TBC1D8: variants seen among roughly 807,000 people sequenced by gnomAD.
TBC1D8 encodes TBC1 domain family member 8.
TBC1D8 carries 65 observed loss-of-function variants against 118.8 expected under a neutral mutation model. The ratio of observed to expected loss-of-function variants is 0.55; its 90% CI spans 0.45 to 0.67. TBC1D8 has a LOEUF of 0.67. Ranked by LOEUF, TBC1D8 falls within the 30% of genes least tolerant of loss-of-function variation. The pLI is 0.00. For synonymous variants in TBC1D8, 566 were observed against 595.8 expected, an observed-to-expected ratio of 0.95 and a Z score of 0.73; for missense variants, 1,376 against 1,471.2, an observed-to-expected ratio of 0.94 and a Z score of 1.06.
rs1043322479 is a variant in TBC1D8, at chr2:101,032,094, C to T, written c.1936+174G>A. ...TCTTTATTCCACTACATTGTCAGAA[C>T]TGTGCAGAGAATGTCCCGAGTTAGT... On this transcript the variant is annotated intron_variant, in intron 11 of 19. Transcript: ENST00000409318. Among the ~76,000 whole-genome samples, 7 of 152,208 alleles carry T rather than the reference C, an allele frequency of 4.6e-5. 1 individual carries two copies. The East Asian group carries it at 1.3e-3, about 29-fold the overall frequency.
At chr2:101,094,226 T>C (rs1382889594) in intron 1 of TBC1D8, among the ~76,000 whole-genome samples, 12 of 152,136 alleles carry the variant, frequency 7.9e-5, no homozygotes, top group Admixed American at 7.9e-4. Context: ...GCTCCTAAGT[T>C]CCAGATGACA....
At chr2:101,137,554 C>T (rs1246923231) in intron 1 of TBC1D8, among the ~76,000 whole-genome samples, 1 of 152,162 alleles carries the variant, frequency 6.6e-6, no homozygotes, top group African/African-American at 2.4e-5. Context: ...CCATGTGATC[C>T]GCCCACCTTG....
In TBC1D8 at chr2:101,037,544, A is replaced by G. The variant is rs770440362; in HGVS notation, c.1440T>C (p.Pro480=). The G allele has an allele frequency of 6.2e-7, 1 of 1,612,482 alleles. No homozygotes were observed. The highest frequency in any genetic ancestry group is 8.5e-7 in the Non-Finnish European group (1 of 1,179,868). ...AGGCGTCACCCACCATTCGGGAGTCAGGGCTCTGGCTGCCTGACTGCTGGA... is the reference window on the plus strand; with the variant it reads ...AGGCGTCACCCACCATTCGGGAGTCGGGGCTCTGGCTGCCTGACTGCTGGA... ...TAFQQSGSQS[P]DSRMSREQIK... is the part of the protein sequence containing the mutation. Residue 480 remains proline, a synonymous_variant, in exon 8 of 20, where the codon CCT becomes CCC. Coordinates refer to ENST00000409318, the MANE Select transcript of TBC1D8 (RefSeq NM_001330348.2).
At chr2:101,090,117 C>T in intron 2 of TBC1D8, 92 bp downstream of exon 2, 13 of 1,409,054 alleles carry the variant, frequency 9.2e-6, no homozygotes, top group Non-Finnish European at 1.2e-5. Flanking sequence ...GGGAGTTATC[C>T]AAAGGGGTTA....
intron 1 of TBC1D8, among the ~76,000 whole-genome samples, chr2:101,132,919 T>C (rs1490178976): frequency 6.6e-6 from 1 of 151,974 alleles, no homozygotes; most frequent in African/African-American, 2.4e-5. Flanking sequence ...AATAAAAATA[T>C]TCTTATATCT....
At chr2:101,082,466 GA>G (rs1202331944) in intron 2 of TBC1D8, among the ~76,000 whole-genome samples, 3 of 152,140 alleles carry the variant, frequency 2.0e-5, no homozygotes, top group Non-Finnish European at 2.9e-5. Context: ...ACCTGACTAG[GA>G]ATTAGCTCCT....
intron 1 of TBC1D8, among the ~76,000 whole-genome samples, chr2:101,131,840 C>T (rs1045062894): frequency 6.6e-6 from 1 of 152,052 alleles, no homozygotes; most frequent in African/African-American, 2.4e-5. Context: ...AACAAGGTTC[C>T]AAATATAGTT....
chr2:101,011,202 TCTG>T (rs1679182676), intron 18 of TBC1D8, 176 bp from the exon 19 acceptor site: 2 of 712,754 alleles, frequency 2.8e-6, no homozygotes, highest in Non-Finnish European at 4.6e-6. Flanking sequence ...CTGGGGGACT[TCTG>T]CTCTAAGAGG....
Position 101,007,895 on chromosome 2 carries a change from T to C in TBC1D8, c.3394A>G (p.Ile1132Val). The change falls in exon 20 of 20, where the codon ATC (isoleucine) becomes GTC (valine). Residue 1132 changes from isoleucine to valine, a missense_variant. Transcript: ENST00000409318. The part of the protein sequence containing the change: ...DMKSKLENAK[I>V]NQYNLKTFEM... ...AAAGTTTTGAGATTGTACTGATTGA[T>C]CTTGGCATTTTCAAGTTTGGATTTC... 6.2e-7 allele frequency: 1 copy of C among 1,614,058 alleles called. No individual in the cohort carries two copies. The highest frequency in any genetic ancestry group is 1.1e-5 in the South Asian group (1 of 91,086).
At chr2:101,042,024 CA>C (rs112887943) in intron 5 of TBC1D8, among the ~76,000 whole-genome samples, 98 of 137,754 alleles carry the variant, frequency 7.1e-4, no homozygotes, top group Admixed American at 1.5e-3. Flanking sequence ...GACCCTGACT[CA>C]AAAAAAAAAA....
chr2:101,043,842 A>T (rs1256599611), intron 5 of TBC1D8, among the ~76,000 whole-genome samples: 5 of 152,250 alleles, frequency 3.3e-5, no homozygotes, highest in African/African-American at 1.2e-4. Context: ...CAGGAGGCTG[A>T]GGCAAGAGAA....
chr2:101,118,622 G>A (rs368782944), intron 1 of TBC1D8, among the ~76,000 whole-genome samples: 316 of 151,710 alleles, frequency 2.1e-3, no homozygotes, highest in African/African-American at 7.3e-3. Context: ...GCGTGAACCC[G>A]GGAGGCGGAG....
chr2:101,134,199 A>T (rs11897112), intron 1 of TBC1D8, among the ~76,000 whole-genome samples: 93 of 36,574 alleles, frequency 2.5e-3, no homozygotes, highest in East Asian at 0.012. Context: ...TCTCTCTCTC[A>T]CACACACACA....
chr2:101,054,216 C>A lies in TBC1D8; in HGVS notation c.523G>T (p.Val175Phe), dbSNP rs1261672174. Residue 175 changes from valine (V) to phenylalanine (F), a missense_variant, in exon 4 of 20, where the codon GTC (valine) becomes TTC (phenylalanine). Physicochemically the swap from Val to Phe is conservative, Grantham distance 50 (BLOSUM62 -1). Transcript: ENST00000409318. Reference sequence around the variant, plus strand: ...CAACAGCAGCAGGAGTAGTAGGTGACCAGCTTCTCCGCCTCGGGGAAGTTG... The same window carrying A: ...CAACAGCAGCAGGAGTAGTAGGTGAACAGCTTCTCCGCCTCGGGGAAGTTG... The part of the protein sequence containing the change: ...RFNFPEAEKL[V>F]TYYSCCCWKG... The A allele has an allele frequency of 6.2e-7, 1 of 1,611,850 alleles. No homozygotes were observed. The highest frequency in any genetic ancestry group is 8.5e-7 in the Non-Finnish European group (1 of 1,179,094).
chr2:101,072,450 G>A (rs1674513247), intron 2 of TBC1D8, among the ~76,000 whole-genome samples: 1 of 152,158 alleles, frequency 6.6e-6, no homozygotes. Flanking sequence ...AATCTCGTGT[G>A]AACTGAGTAA....
rs190409625 is a variant in TBC1D8 at position 101,014,629 on chromosome 2, C to A, written c.2828-3089G>T. ...CCTGGTGAGCCTTCTTCCCCTATGC[C>A]GTTTGGGCCATTCCCATTATTAGTT... On this transcript the variant is annotated intron_variant, in intron 17 of 19. Transcript: ENST00000409318. 3.9e-5 allele frequency among the ~76,000 whole-genome samples: 6 copies of A among 152,306 alleles called. No individual in the cohort carries two copies. The South Asian group carries it at 8.3e-4, about 21-fold the overall frequency.
chr2:101,012,833 C>T (rs1296311204), intron 17 of TBC1D8, among the ~76,000 whole-genome samples: 2 of 152,202 alleles, frequency 1.3e-5, no homozygotes, highest in East Asian at 3.8e-4. Context: ...CAACAAGCTT[C>T]CACAAGATGG....
chr2:101,043,150 G>A (rs1296850084), intron 5 of TBC1D8, among the ~76,000 whole-genome samples: 1 of 152,230 alleles, frequency 6.6e-6, no homozygotes, highest in Admixed American at 6.5e-5. Flanking sequence ...GTTCCTGGGG[G>A]CCAAAGCTGC....
chr2:101,076,335 T>C (rs1389672260), intron 2 of TBC1D8, among the ~76,000 whole-genome samples: 1 of 152,114 alleles, frequency 6.6e-6, no homozygotes, highest in Non-Finnish European at 1.5e-5. Flanking sequence ...GAAAGCTTGA[T>C]GGGGGAGAAT....
Sources: gnomAD v4.1 joint callset for allele counts (sites outside exome capture counted in the v4.1 genomes callset) on GRCh38, gnomAD v4.1.1 for gene constraint, MANE v1.5 for transcripts, NCBI Gene and HGNC (gene_info 2026-07-23, HGNC 2026-07-21) for gene names.